SERPINI1: variants seen among roughly 807,000 people sequenced by gnomAD.
The protein encoded by SERPINI1 is neuroserpin.
SERPINI1 carries 19 observed loss-of-function variants against 41.1 expected under a neutral mutation model. The ratio of observed to expected loss-of-function variants is 0.46; its 90% CI spans 0.32 to 0.68. The LOEUF is 0.68. Ranked by LOEUF, SERPINI1 falls within the 30% of genes least tolerant of loss-of-function variation. The pLI, the probability that SERPINI1 is intolerant of heterozygous loss-of-function variation, is 0.03. For missense variants in SERPINI1, 460 were observed against 479.2 expected (o/e 0.96, Z 0.37); for synonymous variants, 138 against 156.6 (o/e 0.88, Z 0.89).
intron 1 of SERPINI1, among the ~76,000 whole-genome samples, chr3:167,788,633 T>C (rs1430926313): frequency 6.6e-6 from 1 of 152,178 alleles, no homozygotes; most frequent in Non-Finnish European, 1.5e-5. Context: ...TTGAGGCAGG[T>C]ATATGTCTGA....
intron 6 of SERPINI1, among the ~76,000 whole-genome samples, chr3:167,813,741 G>C (rs964561776): frequency 2.6e-5 from 4 of 152,080 alleles, no homozygotes; most frequent in African/African-American, 9.7e-5. Context: ...CTATTCAAAA[G>C]CATAGACATC....
At chr3:167,735,890 C>T (rs1047525777) in intron 1 of SERPINI1, 67 bp downstream of exon 1, 4 of 152,210 alleles carry the variant, frequency 2.6e-5, no homozygotes, top group Middle Eastern at 3.2e-3. Flanking sequence ...ATAGGAATTA[C>T]ATCAAGACAC....
chr3:167,741,171 A>G (rs1388778244), intron 1 of SERPINI1, among the ~76,000 whole-genome samples: 2 of 152,178 alleles, frequency 1.3e-5, no homozygotes, highest in Non-Finnish European at 2.9e-5. Flanking sequence ...CACTGCTTTG[A>G]GGCCCCCTTC....
intron 1 of SERPINI1, among the ~76,000 whole-genome samples, chr3:167,788,637 T>A (rs1309073115): frequency 6.6e-6 from 1 of 152,232 alleles, no homozygotes; most frequent in East Asian, 1.9e-4. Flanking sequence ...GGCAGGTATA[T>A]GTCTGATCTC....
intron 6 of SERPINI1, among the ~76,000 whole-genome samples, chr3:167,809,367 C>T (rs1391375515): frequency 6.6e-6 from 1 of 152,138 alleles, no homozygotes; most frequent in East Asian, 1.9e-4. Context: ...TTAGTAATTC[C>T]TCACTGTCTC....
At chr3:167,805,755 G>T (rs774754828) in intron 5 of SERPINI1, among the ~76,000 whole-genome samples, 2 of 151,978 alleles carry the variant, frequency 1.3e-5, no homozygotes, top group Non-Finnish European at 2.9e-5. Flanking sequence ...TGTTTTCTGC[G>T]TATGGCTAGT....
At chr3:167,800,723 C>T (rs1422435686) in intron 5 of SERPINI1, among the ~76,000 whole-genome samples, 1 of 152,140 alleles carries the variant, frequency 6.6e-6, no homozygotes. Context: ...AAATAATTGC[C>T]TATTAATAAA....
In SERPINI1 at chr3:167,817,914, C is replaced by T. The variant is rs369423445; in HGVS notation, c.980-5072C>T. 2.0e-5 allele frequency among the ~76,000 whole-genome samples: 3 copies of T among 149,322 alleles called. No individual in the cohort carries two copies. The East Asian group carries it at 6.2e-4, about 31-fold the overall frequency. On this transcript the variant is annotated intron_variant, in intron 6 of 8. Coordinates refer to ENST00000446050, the MANE Select transcript of SERPINI1 (RefSeq NM_001122752.2). ...GCGCCCGGCCAAATTTTATAATTTA[C>T]ACATTTCTATAAAAGAGTCTAGCTC...
chr3:167,766,484 G>A (rs71304651), intron 1 of SERPINI1, among the ~76,000 whole-genome samples: 6,316 of 152,262 alleles, frequency 0.041, 177 homozygotes, highest in African/African-American at 0.06. Context: ...CCCACAACAC[G>A]TGGGAATTAC....
chr3:167,754,752 C>T (rs903083271), intron 1 of SERPINI1, among the ~76,000 whole-genome samples: 14 of 152,206 alleles, frequency 9.2e-5, no homozygotes, highest in Non-Finnish European at 1.3e-4. Context: ...TTTCCAGATT[C>T]ATCCAGGTAA....
chr3:167,790,473 T>C lies in SERPINI1; in HGVS notation c.352T>C (p.Phe118Leu), dbSNP rs1019788948. Reference sequence around the variant, plus strand: ...CAATTCCTTGTTTGTGCAAAATGGATTTCATGTCAATGAGGAGTTTTTGCA... The same window carrying C: ...CAATTCCTTGTTTGTGCAAAATGGACTTCATGTCAATGAGGAGTTTTTGCA... ...IANSLFVQNG[F>L]HVNEEFLQMM... Residue 118 changes from phenylalanine (F) to leucine (L), a missense_variant, in exon 3 of 9, where the codon TTT becomes CTT. Physicochemically the swap from Phe to Leu is conservative, Grantham distance 22. Transcript: ENST00000446050. The C allele has an allele frequency of 1.2e-6, 2 of 1,613,926 alleles. No homozygotes were observed. Among genetic ancestry groups the C allele is most frequent in the African/African-American group, 2.7e-5 (2 of 74,936 alleles).
chr3:167,750,959 A>G (rs1577399276), intron 1 of SERPINI1, among the ~76,000 whole-genome samples: 1 of 152,096 alleles, frequency 6.6e-6, no homozygotes, highest in African/African-American at 2.4e-5. Flanking sequence ...ACATATCTAA[A>G]CCCTATAAAA....
rs757900450 is a variant in SERPINI1, at chr3:167,746,465, AAAGAT to A, written c.-19+10646_-19+10650del. Reference sequence around the variant, plus strand: ...TTGTGTTTCAAAGGACACGAGTTGAAAAGATAAGCCATATAATGGGAGAAAATATT... The same window carrying A: ...TTGTGTTTCAAAGGACACGAGTTGAAAAGCCATATAATGGGAGAAAATATT... On this transcript the variant is annotated intron_variant, in intron 1 of 8. Transcript: ENST00000446050. Among the ~76,000 whole-genome samples, 42 of 152,324 alleles carry A rather than the reference AAAGAT, an allele frequency of 2.8e-4. 1 individual carries two copies. Among genetic ancestry groups the A allele is most frequent in the South Asian group, 4.1e-4 (2 of 4,830 alleles).
intron 1 of SERPINI1, among the ~76,000 whole-genome samples, chr3:167,768,511 C>A (rs1726636729): frequency 6.6e-6 from 1 of 152,126 alleles, no homozygotes; most frequent in Admixed American, 6.5e-5. Flanking sequence ...CTGAAGAAGA[C>A]TGAAAAATCT....
intron 1 of SERPINI1, among the ~76,000 whole-genome samples, 154 bp from the exon 2 acceptor site, chr3:167,788,957 C>T (rs1727401234): frequency 6.6e-6 from 1 of 152,320 alleles, no homozygotes; most frequent in East Asian, 1.9e-4. Context: ...ACCATGGTAT[C>T]TTGTTCCTGG....
chr3:167,796,669 C>T (rs1727721876), intron 5 of SERPINI1, among the ~76,000 whole-genome samples: 2 of 152,124 alleles, frequency 1.3e-5, no homozygotes, highest in South Asian at 4.1e-4. Flanking sequence ...CATCCATGTC[C>T]CTGCAAAGGG....
intron 1 of SERPINI1, among the ~76,000 whole-genome samples, chr3:167,783,243 G>A (rs942541479): frequency 1.3e-5 from 2 of 152,172 alleles, no homozygotes; most frequent in Admixed American, 6.5e-5. Context: ...TGATCAACAG[G>A]AGAGGTCCCA....
intron 6 of SERPINI1, among the ~76,000 whole-genome samples, chr3:167,821,330 G>A (rs1712318705): frequency 6.6e-6 from 1 of 152,202 alleles, no homozygotes; most frequent in East Asian, 1.9e-4. Context: ...TAGCTCCCGA[G>A]CCAGGGCTGT....
intron 4 of SERPINI1, 105 bp downstream of exon 4, chr3:167,792,889 G>T: frequency 1.0e-6 from 1 of 986,496 alleles, no homozygotes; most frequent in East Asian, 2.4e-5. Flanking sequence ...ATCTAATTTG[G>T]GCTACAATTC....
Sources: gnomAD v4.1 joint callset for allele counts (sites outside exome capture counted in the v4.1 genomes callset) on GRCh38, gnomAD v4.1.1 for gene constraint, MANE v1.5 for transcripts, NCBI Gene and HGNC (gene_info 2026-07-23, HGNC 2026-07-21) for gene names.